The following TMEM217B variants were observed in gnomAD, a reference collection of about 807,000 sequenced individuals.
The protein encoded by TMEM217B is transmembrane protein 217B.
the TMEM217B span, among the ~76,000 whole-genome samples, chr6:37,239,059 G>A: frequency 6.6e-6 from 1 of 152,224 alleles, no homozygotes; most frequent in Non-Finnish European, 1.5e-5. Flanking sequence ...GAACCTAAGA[G>A]GTGGAGAGGT....
chr6:37,213,027 C>T, the TMEM217B span: 16 of 1,443,540 alleles, frequency 1.1e-5, no homozygotes, highest in African/African-American at 1.4e-5. Flanking sequence ...AGACACGTGA[C>T]AAGATGGCAG....
the TMEM217B span, chr6:37,258,126 G>A: frequency 1.2e-6 from 1 of 862,026 alleles, no homozygotes; most frequent in Admixed American, 3.1e-5. Context: ...CTGTCAGGCA[G>A]CGAAGCGAAC....
At chr6:37,228,406 C>T in the TMEM217B span, among the ~76,000 whole-genome samples, 1 of 152,144 alleles carries the variant, frequency 6.6e-6, no homozygotes, top group Non-Finnish European at 1.5e-5. Context: ...AACTCCATCT[C>T]AAAAAATAAT....
At chr6:37,215,495 C>T in the TMEM217B span, among the ~76,000 whole-genome samples, 83,942 of 142,832 alleles carry the variant, frequency 0.59, 25,090 homozygotes, top group East Asian at 0.84. Flanking sequence ...AATCAGGACC[C>T]GGGAGGTAGA....
At chr6:37,253,529 A>G in the TMEM217B span, among the ~76,000 whole-genome samples, 1 of 152,024 alleles carries the variant, frequency 6.6e-6, no homozygotes, top group Non-Finnish European at 1.5e-5. Flanking sequence ...TGGCTCTAAC[A>G]GTGGTTGTTT....
the TMEM217B span, among the ~76,000 whole-genome samples, chr6:37,230,573 C>T: frequency 6.6e-6 from 1 of 152,028 alleles, no homozygotes; most frequent in African/African-American, 2.4e-5. Flanking sequence ...AGAGGGATGA[C>T]CATGTGAAAA....
chr6:37,241,976 T>C, the TMEM217B span, among the ~76,000 whole-genome samples: 2 of 151,940 alleles, frequency 1.3e-5, no homozygotes, highest in Non-Finnish European at 2.9e-5. Context: ...TTGGCCTGCT[T>C]CCTCAGGGAG....
chr6:37,212,751 G>A, the TMEM217B span: 1 of 687,378 alleles, frequency 1.5e-6, no homozygotes, highest in Admixed American at 2.0e-5. Flanking sequence ...AATAAAAGAG[G>A]AAGCAGCCGA....
At chr6:37,213,347 C>T in the TMEM217B span, among the ~76,000 whole-genome samples, 4 of 152,328 alleles carry the variant, frequency 2.6e-5, no homozygotes, top group Middle Eastern at 3.4e-3. Flanking sequence ...ATGGTATGAA[C>T]GAAGCTCCCA....
At chr6:37,215,564 C>G in the TMEM217B span, among the ~76,000 whole-genome samples, 8 of 79,092 alleles carry the variant, frequency 1.0e-4, no homozygotes, top group South Asian at 3.6e-3. Context: ...GAGCGAGACT[C>G]TGTCTCAAAA....
chr6:37,222,936 A>G, the TMEM217B span, among the ~76,000 whole-genome samples: 1 of 151,694 alleles, frequency 6.6e-6, no homozygotes, highest in African/African-American at 2.4e-5. Context: ...TGATTTGAAA[A>G]AGAACCCAAA....
At chr6:37,257,977 A>G in the TMEM217B span, 4 of 1,614,052 alleles carry the variant, frequency 2.5e-6, no homozygotes, top group Non-Finnish European at 2.5e-6. Flanking sequence ...CGGGGAGGTG[A>G]GCCCAGGACG....
chr6:37,212,339 A>C, the TMEM217B span: 1 of 358,228 alleles, frequency 2.8e-6, no homozygotes, highest in Admixed American at 3.8e-5. Flanking sequence ...GCATCAACAG[A>C]AGACAGGCAG....
chr6:37,252,611 GTGTGTGTA>G, the TMEM217B span, among the ~76,000 whole-genome samples: 132 of 91,386 alleles, frequency 1.4e-3, no homozygotes, highest in Middle Eastern at 5.7e-3. Context: ...GTGTGTGTAT[GTGTGTGTA>G]TATATATATA....
At chr6:37,216,207 T>A in the TMEM217B span, among the ~76,000 whole-genome samples, 1 of 151,896 alleles carries the variant, frequency 6.6e-6, no homozygotes, top group Non-Finnish European at 1.5e-5. Context: ...GCCTCCCGAG[T>A]AGCTGGGATT....
At chr6:37,244,030 T>A in the TMEM217B span, among the ~76,000 whole-genome samples, 1 of 152,240 alleles carries the variant, frequency 6.6e-6, no homozygotes, top group Non-Finnish European at 1.5e-5. Context: ...CTGGGGAAGT[T>A]ACAAATTTTG....
the TMEM217B span, among the ~76,000 whole-genome samples, chr6:37,255,388 A>G: frequency 3.5e-4 from 54 of 152,228 alleles, no homozygotes; most frequent in Non-Finnish European, 6.8e-4. Context: ...ACATTTTAAC[A>G]GGGTGTCTCT....
chr6:37,243,699 A>T, the TMEM217B span, among the ~76,000 whole-genome samples: 5 of 152,144 alleles, frequency 3.3e-5, no homozygotes, highest in Non-Finnish European at 7.3e-5. Flanking sequence ...CCTGGGTTCA[A>T]GCGATTCTCC....
At chr6:37,257,583 C>A in the TMEM217B span, 5 of 377,774 alleles carry the variant, frequency 1.3e-5, no homozygotes, top group South Asian at 1.4e-4. Context: ...TCTTCCCTCT[C>A]GCGGGTAGGA....
Sources: allele counts gnomAD v4.1 joint callset (sites outside exome capture counted in the v4.1 genomes callset), GRCh38; gene constraint gnomAD v4.1.1; transcripts MANE v1.5; gene names NCBI Gene and HGNC (gene_info 2026-07-23, HGNC 2026-07-21).